The following EYS variants were observed in gnomAD, a reference collection of about 807,000 sequenced individuals.
EYS encodes the protein protein eyes shut homolog.
A neutral mutation model predicts 282.1 loss-of-function variants in EYS; 250 were observed. The ratio of observed to expected loss-of-function variants is 0.89; its 90% CI spans 0.80 to 0.98. The LOEUF (loss-of-function observed/expected upper bound fraction) is 0.98. Among genes scored for constraint, EYS ranks in the 50% least tolerant of loss-of-function variants. The pLI is 0.00. For synonymous variants in EYS, 1,355 were observed against 1,282.9 expected (o/e 1.06, Z -1.20); for missense variants, 4,016 against 3,709.0 (o/e 1.08, Z -2.15).
chr6:64,457,950 T>C (rs572128266), intron 26 of EYS, among the ~76,000 whole-genome samples: 4 of 152,108 alleles, frequency 2.6e-5, no homozygotes, highest in South Asian at 2.1e-4. Context: ...TGTGTATCTA[T>C]AGGATTTTGC....
At chr6:64,128,783 C>A (rs773086836) in intron 31 of EYS, among the ~76,000 whole-genome samples, 16 of 152,056 alleles carry the variant, frequency 1.1e-4, no homozygotes, top group Non-Finnish European at 2.2e-4. Flanking sequence ...AAGCAATAAT[C>A]ATTATGCTAA....
chr6:64,759,578 A>G (rs2149977408), intron 22 of EYS, among the ~76,000 whole-genome samples: 1 of 152,284 alleles, frequency 6.6e-6, no homozygotes, highest in South Asian at 2.1e-4. Context: ...GTTGTACAGT[A>G]AGTGCAGAAT....
At chr6:64,100,363 T>C (rs890979189) in intron 31 of EYS, among the ~76,000 whole-genome samples, 1 of 152,214 alleles carries the variant, frequency 6.6e-6, no homozygotes, top group African/African-American at 2.4e-5. Flanking sequence ...AATTTTGTGA[T>C]AGTTTCTCTT....
chr6:63,779,923 G>A (rs181230289), intron 39 of EYS, among the ~76,000 whole-genome samples: 1 of 152,192 alleles, frequency 6.6e-6, no homozygotes, highest in East Asian at 1.9e-4. Context: ...ACAGGCCCCA[G>A]TGTGTGATGT....
At chr6:65,112,786 G>A (rs1164681015) in intron 12 of EYS, among the ~76,000 whole-genome samples, 1 of 152,026 alleles carries the variant, frequency 6.6e-6, no homozygotes, top group Non-Finnish European at 1.5e-5. Flanking sequence ...ACAAAAGCAA[G>A]CTCAATGAAG....
intron 35 of EYS, among the ~76,000 whole-genome samples, chr6:63,948,405 A>T (rs1182402893): frequency 6.6e-6 from 1 of 152,224 alleles, no homozygotes; most frequent in Non-Finnish European, 1.5e-5. Context: ...AATATGAGAC[A>T]AGTGCCTTTT....
At chr6:63,737,203 A>G (rs1408648116) in intron 41 of EYS, among the ~76,000 whole-genome samples, 1 of 152,128 alleles carries the variant, frequency 6.6e-6, no homozygotes, top group Non-Finnish European at 1.5e-5. Flanking sequence ...TTGCCCATTC[A>G]GGATGATATT....
At chr6:64,535,038 C>A (rs1383895485) in intron 26 of EYS, among the ~76,000 whole-genome samples, 2 of 152,124 alleles carry the variant, frequency 1.3e-5, no homozygotes, top group East Asian at 3.9e-4. Flanking sequence ...TGTTCATTGT[C>A]TTAGTTTGAG....
chr6:64,007,690 T>G (rs1340038097), intron 33 of EYS, among the ~76,000 whole-genome samples: 1 of 152,206 alleles, frequency 6.6e-6, no homozygotes, highest in Non-Finnish European at 1.5e-5. Context: ...TGTTGTATCT[T>G]TATTCATATT....
chr6:65,062,007 T>C (rs1004608827), intron 12 of EYS, among the ~76,000 whole-genome samples: 2 of 152,098 alleles, frequency 1.3e-5, no homozygotes, highest in South Asian at 2.1e-4. Context: ...ACCTTTATTT[T>C]TGTTTATTCA....
chr6:65,004,871 C>T (rs984960707), intron 13 of EYS, among the ~76,000 whole-genome samples: 1 of 147,770 alleles, frequency 6.8e-6, no homozygotes, highest in Non-Finnish European at 1.5e-5. Context: ...TAACAAAGTA[C>T]CAGCAGGTAG....
rs530118054 is a variant in EYS at position 65,495,478 on chromosome 6, G to A, written c.-68C>T. 142 of 1,536,992 alleles carry A rather than the reference G, an allele frequency of 9.2e-5. No homozygotes were observed. The highest frequency in any genetic ancestry group is 1.7e-4 in the Middle Eastern group (1 of 5,926). ...GCAAAATGGTGTTTTAAGTATTACC[G>A]GAAATTTCCAAGTAAAGTTGTGGTT... On this transcript the variant is annotated 5_prime_UTR_variant, in exon 4 of 43. Transcript: ENST00000503581.
chr6:65,638,170 G>T (rs1016217852), intron 2 of EYS, among the ~76,000 whole-genome samples: 13 of 152,252 alleles, frequency 8.5e-5, no homozygotes, highest in Admixed American at 2.6e-4. Context: ...ACCAGCTGTG[G>T]GAAGGAACTA....
At chr6:65,677,417 G>A (rs762353707) in intron 1 of EYS, among the ~76,000 whole-genome samples, 17 of 151,736 alleles carry the variant, frequency 1.1e-4, no homozygotes, top group Admixed American at 3.9e-4. Context: ...GTTTCTACAC[G>A]TTAACAAAGA....
intron 28 of EYS, among the ~76,000 whole-genome samples, chr6:64,423,882 C>T (rs1774315152): frequency 6.6e-6 from 1 of 152,234 alleles, no homozygotes; most frequent in African/African-American, 2.4e-5. Flanking sequence ...GAATGGGTCA[C>T]GTTACTTAAG....
chr6:64,731,342 A>C (rs115748782), intron 22 of EYS, among the ~76,000 whole-genome samples: 7,069 of 152,192 alleles, frequency 0.046, 225 homozygotes, highest in East Asian at 0.18. Context: ...AACAAACAAA[A>C]AAACAAAAAA....
At chr6:64,990,883 T>C (rs951005099) in intron 14 of EYS, among the ~76,000 whole-genome samples, 1 of 151,594 alleles carries the variant, frequency 6.6e-6, no homozygotes, top group Non-Finnish European at 1.5e-5. Context: ...TCTCAGGTTC[T>C]GTTTGCTTTT....
At chr6:63,926,001 C>T (rs1271385563) in intron 35 of EYS, among the ~76,000 whole-genome samples, 1 of 152,000 alleles carries the variant, frequency 6.6e-6, no homozygotes, top group Admixed American at 6.5e-5. Flanking sequence ...TGCTCTCCCA[C>T]CCCTGGGCCC....
intron 12 of EYS, among the ~76,000 whole-genome samples, chr6:65,125,988 T>C (rs1465235544): frequency 1.3e-5 from 2 of 152,128 alleles, no homozygotes; most frequent in East Asian, 1.9e-4. Context: ...AATGGTTTTA[T>C]AATTTACGTA....
Sources: gnomAD v4.1 joint callset for allele counts (sites outside exome capture counted in the v4.1 genomes callset) on GRCh38, gnomAD v4.1.1 for gene constraint, MANE v1.5 for transcripts, NCBI Gene and HGNC (gene_info 2026-07-23, HGNC 2026-07-21) for gene names.